The following ZNF451 variants were observed in gnomAD, a reference collection of about 807,000 sequenced individuals.
ZNF451 encodes E3 SUMO-protein ligase ZNF451.
ZNF451 carries 80 observed loss-of-function variants against 107.1 expected under a neutral mutation model. That is an observed-to-expected ratio of 0.75 (90% CI 0.62 to 0.90). The LOEUF (loss-of-function observed/expected upper bound fraction) is 0.90, where lower values mean the gene tolerates loss of function less well. ZNF451 is among the 40% of genes least tolerant of loss of function. The pLI is 0.00. For synonymous variants in ZNF451, 362 were observed against 406.5 expected (o/e 0.89, Z 1.32); for missense variants, 1,107 against 1,236.2 (o/e 0.90, Z 1.57).
At chr6:57,160,460 A>G (rs1410247259) in intron 13 of ZNF451, among the ~76,000 whole-genome samples, 6 of 151,938 alleles carry the variant, frequency 3.9e-5, no homozygotes, top group African/African-American at 1.5e-4. Context: ...CAGCCTCCCA[A>G]GTAGCTGGGA....
At chr6:57,168,378 G>T in intron 14 of ZNF451, 45 bp from the exon 15 acceptor site, 1 of 1,351,342 alleles carries the variant, frequency 7.4e-7, no homozygotes, top group South Asian at 1.2e-5. Flanking sequence ...AGCACATGTT[G>T]AGTTTTCTGC....
intron 3 of ZNF451, chr6:57,109,464 A>G: frequency 1.0e-6 from 1 of 985,484 alleles, no homozygotes; most frequent in Non-Finnish European, 1.2e-6. Flanking sequence ...ATGAGGTAAT[A>G]TCCGAAAGTA....
At chr6:57,168,375 G>A (rs1468998361) in intron 14 of ZNF451, 48 bp from the exon 15 acceptor site, 2 of 1,321,498 alleles carry the variant, frequency 1.5e-6, no homozygotes, top group Middle Eastern at 1.9e-4. Flanking sequence ...TACAGCACAT[G>A]TTGAGTTTTC....
chr6:57,163,851 T>C lies in ZNF451; in HGVS notation c.3139+2699T>C, dbSNP rs559165673. ...AATTAAGATAGAGGCTATTTTGTTATAGAATATTGGGTTATTTTGTTGACC... is the reference window on the plus strand; with the variant it reads ...AATTAAGATAGAGGCTATTTTGTTACAGAATATTGGGTTATTTTGTTGACC... On this transcript the variant is annotated intron_variant, in intron 14 of 14. Transcript: ENST00000370706. Among the ~76,000 whole-genome samples, 7 of 152,342 alleles carry C rather than the reference T, an allele frequency of 4.6e-5. No individual in the cohort carries two copies. In the East Asian group the frequency reaches 5.8e-4, roughly 13 times the overall value.
chr6:57,154,204 C>G, intron 13 of ZNF451, 157 bp downstream of exon 13: 1 of 712,270 alleles, frequency 1.4e-6, no homozygotes, highest in Middle Eastern at 2.4e-4. Flanking sequence ...AAAAAAATCT[C>G]ACTTTCATTC....
In ZNF451 at chr6:57,148,086, C is replaced by T. The variant is rs1432470073; in HGVS notation, c.2001C>T (p.Tyr667=). The change falls in exon 10 of 15, where the codon TAC becomes TAT. Residue 667 remains tyrosine (Y), a synonymous_variant. Transcript: ENST00000370706. ...DEHDNEIKIK[Y]FCGLCDLIFN... is the part of the protein sequence containing the mutation. ...ATGACAATGAGATAAAGATTAAATA[C>T]TTCTGTGGGCTTTGTGATCTTATCT... The T allele has an allele frequency of 6.2e-7, 1 of 1,614,040 alleles. No homozygotes were observed. Among genetic ancestry groups the T allele is most frequent in the Non-Finnish European group, 8.5e-7 (1 of 1,179,976 alleles).
At position 57,147,528 on chromosome 6, in the gene ZNF451, A is replaced by G; in HGVS notation, c.1443A>G (p.Pro481=). ...TWFCECNQRF[P]SEDAVEKHVF... The stretch of plus-strand genomic sequence containing the variant: ...TCTGTGAATGCAATCAGCGATTCCC[A>G]AGTGAAGATGCAGTAGAAAAGCATG... Residue 481 remains proline, a synonymous_variant, in exon 10 of 15, where the codon CCA becomes CCG. Coordinates refer to ENST00000370706, the MANE Select transcript of ZNF451 (RefSeq NM_001031623.3). 1.2e-6 allele frequency: 2 copies of G among 1,614,178 alleles called. No individual in the cohort carries two copies. Among genetic ancestry groups the G allele is most frequent in the Admixed American group, 1.7e-5 (1 of 60,010 alleles).
Position 57,142,069 on chromosome 6 carries a change from C to T in ZNF451, c.978C>T (p.Ser326=). The part of the protein sequence containing the change: ...KCVACHKTLR[S]HMELTAHFRV... Reference sequence around the variant, plus strand: ...TGGCCTGCCACAAGACACTGCGTTCCCACATGGAGCTCACTGCCCATTTCA... The same window carrying T: ...TGGCCTGCCACAAGACACTGCGTTCTCACATGGAGCTCACTGCCCATTTCA... Residue 326 remains serine, a synonymous_variant, in exon 9 of 15, where the codon TCC becomes TCT. Transcript: ENST00000370706. The T allele has an allele frequency of 2.5e-6, 4 of 1,613,176 alleles. No homozygotes were observed. The highest frequency in any genetic ancestry group is 3.4e-6 in the Non-Finnish European group (4 of 1,179,244).
intron 3 of ZNF451, among the ~76,000 whole-genome samples, chr6:57,118,536 C>T (rs192450485): frequency 6.6e-6 from 1 of 151,976 alleles, no homozygotes; most frequent in South Asian, 2.1e-4. Context: ...CTTTGTTGTC[C>T]CCCAGGCTGG....
chr6:57,102,488 T>G lies in ZNF451; in HGVS notation c.186+3347T>G, dbSNP rs1027088706. ...CAGATTTTGAATCTAGAAATAATAC[T>G]AGATGTCTGTTTACTAAGACCAGAG... On this transcript the variant is annotated intron_variant, in intron 3 of 14. Transcript: ENST00000370706. 21 of 993,336 alleles carry G rather than the reference T, an allele frequency of 2.1e-5. No homozygotes were observed. The Admixed American group carries it at 3.4e-4, about 16-fold the overall frequency. 61.5% of individuals were successfully genotyped at this position (993,336 alleles called of 1,614,324 possible). A position where few individuals can be genotyped will look rare whatever the true frequency, so the allele number is the denominator to read the frequency against.
Position 57,148,255 on chromosome 6 carries a change from T to C in ZNF451, c.2170T>C (p.Cys724Arg), listed in dbSNP as rs138569911. Residue 724 changes from cysteine to arginine, a missense_variant, in exon 10 of 15, where the codon TGC becomes CGC. Cys to Arg is a radical substitution (Grantham distance 180). Around this residue, in one of 5 missense-constraint regions of ZNF451, gnomAD observed 608 missense variants for 649.2 expected, o/e 0.94. Transcript: ENST00000370706. The stretch of plus-strand genomic sequence containing the variant: ...GACCAGTAACCAGTTAACTTGTGGT[T>C]GCCGTGAGAGTTACATCTGTAAAGT... ...IETSNQLTCGCRESYICKVNR... is the reference protein window; with the variant it reads ...IETSNQLTCGRRESYICKVNR... The C allele has an allele frequency of 1.2e-6, 2 of 1,613,884 alleles. No homozygotes were observed. Among genetic ancestry groups the C allele is most frequent in the African/African-American group, 2.7e-5 (2 of 74,922 alleles).
intron 3 of ZNF451, chr6:57,109,369 G>A (rs769484957): frequency 1.3e-5 from 13 of 985,220 alleles, no homozygotes; most frequent in East Asian, 1.1e-4. Context: ...ATGGTGCAAA[G>A]CACATGGTAT....
chr6:57,161,197 AT>A (rs758376845), intron 14 of ZNF451, 45 bp downstream of exon 14: 4,926 of 1,121,066 alleles, frequency 4.4e-3, no homozygotes, highest in South Asian at 6.5e-3. Context: ...CTGTATCTGT[AT>A]TTTTTTTTTA....
At chr6:57,159,135 A>C (rs949479958) in intron 13 of ZNF451, 1 of 985,270 alleles carries the variant, frequency 1.0e-6, no homozygotes. Context: ...AATTCCATGC[A>C]AAGGTACTGA....
chr6:57,149,460 G>A (rs951296900), intron 10 of ZNF451, among the ~76,000 whole-genome samples: 6 of 152,016 alleles, frequency 3.9e-5, no homozygotes, highest in African/African-American at 1.2e-4. Flanking sequence ...GCCCAGGCTG[G>A]TTTTGAACTC....
intron 3 of ZNF451, chr6:57,106,024 T>G (rs760309948): frequency 2.8e-4 from 278 of 981,786 alleles, no homozygotes; most frequent in Non-Finnish European, 3.2e-4. Flanking sequence ...GTATTCTATA[T>G]TAGTACTACA....
intron 14 of ZNF451, among the ~76,000 whole-genome samples, chr6:57,167,200 CACACAT>C (rs1173986807): frequency 6.6e-6 from 1 of 152,030 alleles, no homozygotes; most frequent in African/African-American, 2.4e-5. Flanking sequence ...CACACACACA[CACACAT>C]ATATACATAT....
chr6:57,137,738 T>A (rs574777464), intron 7 of ZNF451, among the ~76,000 whole-genome samples: 1 of 152,312 alleles, frequency 6.6e-6, no homozygotes, highest in South Asian at 2.1e-4. Context: ...TCATCTAAGG[T>A]GACTTTTCTC....
At chr6:57,135,926 T>C (rs1276280605) in intron 7 of ZNF451, among the ~76,000 whole-genome samples, 1 of 152,194 alleles carries the variant, frequency 6.6e-6, no homozygotes, top group African/African-American at 2.4e-5. Flanking sequence ...TCTAGAGCTA[T>C]ACCTGGAAAG....
Sources: allele counts gnomAD v4.1 joint callset (sites outside exome capture counted in the v4.1 genomes callset), GRCh38; gene constraint gnomAD v4.1.1; regional missense constraint gnomAD v4.1.1; transcripts MANE v1.5; gene names NCBI Gene and HGNC (gene_info 2026-07-23, HGNC 2026-07-21).